Variants in LILRA6 observed in about 807,000 individuals in gnomAD.
LILRA6 encodes the protein leukocyte immunoglobulin-like receptor subfamily A member 6.
In LILRA6, 16 loss-of-function variants were observed where a neutral mutation model predicts 53.9. The ratio of observed to expected loss-of-function variants is 0.30; its 90% CI spans 0.20 to 0.45. The LOEUF is 0.45. Ranked by LOEUF, LILRA6 falls within the 20% of genes least tolerant of loss-of-function variation. The pLI is 1.00. For synonymous variants in LILRA6, 135 were observed against 256.4 expected (o/e 0.53, Z 4.52); for missense variants, 306 against 618.6 (o/e 0.49, Z 5.36).
At chr19:54,239,271 C>A in intron 7 of LILRA6, 182 bp from the exon 8 acceptor site, 2 of 1,502,700 alleles carry the variant, frequency 1.3e-6, no homozygotes, top group South Asian at 2.7e-5. Context: ...TCCTGAGAAT[C>A]AAAACAGAAG....
chr19:54,239,649 G>T, intron 7 of LILRA6: 1 of 1,493,132 alleles, frequency 6.7e-7, no homozygotes, highest in Non-Finnish European at 9.0e-7. Flanking sequence ...TTGAGGGGCT[G>T]GTCCTCAGGA....
rs528052434 is a variant in LILRA6, at chr19:54,239,571, G to A, written c.1309+330C>T. On this transcript the variant is annotated intron_variant, in intron 7 of 7. Transcript: ENST00000396365. ...CCTGAGCTGAGCATTTGAGCTCAGAGAGGACAGGGTCAGGGCCCTCACCTG... is the reference window on the plus strand; with the variant it reads ...CCTGAGCTGAGCATTTGAGCTCAGAAAGGACAGGGTCAGGGCCCTCACCTG... 3.1e-6 allele frequency: 3 copies of A among 976,580 alleles called. 1 individual carries two copies. In the African/African-American group the frequency reaches 5.1e-5, roughly 17 times the overall value. The allele number at this position is 976,580 out of a possible 1,614,324, so 60.5% of individuals were successfully genotyped here.
exon 4 of LILRA6, chr19:54,241,676 C>A (rs1294547020): frequency 6.6e-7 from 1 of 1,510,402 alleles, no homozygotes; most frequent in African/African-American, 1.5e-5. Context: ...GGCTGGGGTT[C>A]ACGGGGCCCA....
At chr19:54,239,384 T>C (rs1451522875) in intron 7 of LILRA6, 2 of 745,340 alleles carry the variant, frequency 2.7e-6, no homozygotes, top group Admixed American at 6.0e-5. Context: ...CTCCCTCTCC[T>C]GCAGCAGGGC....
intron 7 of LILRA6, chr19:54,239,524 C>G: frequency 2.8e-6 from 2 of 713,230 alleles, no homozygotes; most frequent in Non-Finnish European, 4.6e-6. Flanking sequence ...CCTAGTGTCC[C>G]AGAGCTCTCC....
In LILRA6 at chr19:54,242,638, C is replaced by T. The variant is rs1232977352; in HGVS notation, c.34+80G>A. ...CTGGTGCCTCCTGAGCTTTTGAGGT[C>T]TCCTGATGGACCAGGGCTTGTGTGT... On this transcript the variant is annotated intron_variant, in intron 1 of 7. Transcript: ENST00000396365. 2.8e-6 allele frequency: 3 copies of T among 1,090,802 alleles called. 1 individual carries two copies. The Admixed American group carries it at 6.8e-5, about 25-fold the overall frequency. The allele number at this position is 1,090,802 out of a possible 1,614,324, so 67.6% of individuals were successfully genotyped here. A position where few individuals can be genotyped will look rare whatever the true frequency, so the allele number is the denominator to read the frequency against.
chr19:54,242,458 C>T, intron 2 of LILRA6, 61 bp downstream of exon 2: 1 of 1,076,910 alleles, frequency 9.3e-7, no homozygotes, highest in East Asian at 2.5e-5. Flanking sequence ...CCCAGCTGCC[C>T]ATGTGTGGCC....
chr19:54,238,911 G>A (rs2078673176), exon 8 of LILRA6: 1 of 1,602,566 alleles, frequency 6.2e-7, no homozygotes, highest in African/African-American at 1.4e-5. Flanking sequence ...ATCTGTCCCT[G>A]AGGCTCCACC....
At chr19:54,236,684 A>G (rs1014284501), downstream of LILRA6, 2 of 151,108 alleles carry the variant, frequency 1.3e-5, no homozygotes, top group Non-Finnish European at 2.9e-5. Flanking sequence ...GATAAGGAAC[A>G]TGTGGTCTAT....
chr19:54,241,789 C>T (rs1052966), exon 4 of LILRA6: 179,285 of 1,290,920 alleles, frequency 0.14, 35,623 homozygotes, highest in African/African-American at 0.32. Context: ...TGGTGATATC[C>T]CTTCTGTGAG....
At chr19:54,239,391 G>T in intron 7 of LILRA6, 1 of 722,644 alleles carries the variant, frequency 1.4e-6, no homozygotes, top group East Asian at 3.3e-5. Flanking sequence ...TCCTGCAGCA[G>T]GGCTCCCTCC....
chr19:54,237,456 A>G (rs2078653471), downstream of LILRA6: 1 of 150,944 alleles, frequency 6.6e-6, no homozygotes, highest in Non-Finnish European at 1.5e-5. Context: ...TCAGATTACC[A>G]CATGCTCCCA....
rs1446556464 is a variant in LILRA6, at chr19:54,240,699, C to T, written c.956-123G>A. The T allele has an allele frequency of 3.9e-5, 62 of 1,572,042 alleles. 1 individual carries two copies. Among genetic ancestry groups the T allele is most frequent in the Non-Finnish European group, 5.0e-5 (58 of 1,161,794 alleles). On this transcript the variant is annotated intron_variant, in intron 5 of 7. Transcript: ENST00000396365. ...TTTTCTCTGAGTCTCGCCTCCCCGC[C>T]CATCCCCTGTCTCTGTCTGTCTCTC...
chr19:54,239,341 T>C (rs17239607), intron 7 of LILRA6: 865,815 of 1,168,532 alleles, frequency 0.74, 320,503 homozygotes, highest in Middle Eastern at 0.84. Context: ...CCAGGCCTCA[T>C]GACGTGGCTT....
chr19:54,239,333 A>G, intron 7 of LILRA6: 2 of 1,266,248 alleles, frequency 1.6e-6, no homozygotes, highest in Non-Finnish European at 2.1e-6. Context: ...TTATTCTTCC[A>G]GGCCTCATGA....
rs1193303875 is a variant in LILRA6, at chr19:54,241,594, G to T, written c.640C>A (p.Leu214Met). Residue 214 changes from leucine (L) to methionine (M), a missense_variant, in exon 4 of 8, where the codon CTG (leucine) becomes ATG (methionine). By Grantham distance (15) the Leu-to-Met change is conservative. This residue lies in a region of LILRA6 where 23 missense variants were observed against 31.3 expected (regional missense o/e 0.73). Coordinates refer to ENST00000396365, the Ensembl canonical transcript of LILRA6. Reference sequence around the variant, plus strand: ...CCCTCACCTGAGGGCAGAATCTCCAGGGGGTCACTGGGGTGGGACCACACC... The same window carrying T: ...CCCTCACCTGAGGGCAGAATCTCCATGGGGTCACTGGGGTGGGACCACACC... 6.8e-6 allele frequency: 10 copies of T among 1,471,740 alleles called. 1 individual carries two copies. Among genetic ancestry groups the T allele is most frequent in the African/African-American group, 1.4e-5 (1 of 70,488 alleles). The allele number at this position is 1,471,740 out of a possible 1,614,324, so 91.2% of individuals were successfully genotyped here. A position where few individuals can be genotyped will look rare whatever the true frequency, so the allele number is the denominator to read the frequency against.
At chr19:54,237,771 A>G (rs569789382), downstream of LILRA6, 2 of 151,036 alleles carry the variant, frequency 1.3e-5, no homozygotes, top group South Asian at 2.1e-4. Context: ...TTTACTCAAC[A>G]TCATGATGGA....
exon 1 of LILRA6, chr19:54,242,784 G>A: frequency 9.5e-7 from 1 of 1,052,128 alleles, no homozygotes; most frequent in Non-Finnish European, 1.3e-6. Context: ...GGGCTCTGCA[G>A]AGGGATGAGC....
intron 7 of LILRA6, chr19:54,239,693 G>C (rs1427761924): frequency 1.3e-6 from 2 of 1,546,410 alleles, no homozygotes; most frequent in East Asian, 2.4e-5. Context: ...TGAAGCCTGG[G>C]GCTACCTTGC....
Sources: allele counts gnomAD v4.1 joint callset, GRCh38; gene constraint gnomAD v4.1.1; regional missense constraint gnomAD v4.1.1; transcripts MANE v1.5; gene names NCBI Gene and HGNC (gene_info 2026-07-23, HGNC 2026-07-21).